The following MYO5C variants were observed in gnomAD, a reference collection of about 807,000 sequenced individuals.
MYO5C encodes unconventional myosin-Vc.
In MYO5C, 194 loss-of-function variants were observed where a neutral mutation model predicts 235.7. That is an observed-to-expected ratio of 0.82 (90% CI 0.73 to 0.93). The LOEUF is 0.93. MYO5C is among the 40% of genes least tolerant of loss of function. The pLI is 0.00. For missense variants in MYO5C, 2,038 were observed against 2,127.2 expected (o/e 0.96, Z 0.82); for synonymous variants, 707 against 754.8 (o/e 0.94, Z 1.04).
chr15:52,278,991 A>T lies in MYO5C; in HGVS notation c.331T>A (p.Tyr111Asn), dbSNP rs771557355. The T allele has an allele frequency of 2.5e-6, 4 of 1,613,646 alleles. No individual in the cohort carries two copies. The Admixed American group carries it at 6.7e-5, about 27-fold the overall frequency. ...TCTCCGTATATTGGCAACTGCTTGT[A>T]AGGATTCATGGCCACCAAAATGATT... is the stretch of plus-strand genomic sequence containing the variant. ...SGIILVAMNP[Y>N]KQLPIYGDAI... Residue 111 changes from tyrosine (Y) to asparagine (N), a missense_variant, in exon 4 of 41, where the codon TAC (tyrosine) becomes AAC (asparagine). Coordinates refer to ENST00000261839, the MANE Select transcript of MYO5C (RefSeq NM_018728.4).
At position 52,206,581 on chromosome 15, in the gene MYO5C, G is replaced by A. The variant is rs113551147; in HGVS notation, c.4387-615C>T. Among the ~76,000 whole-genome samples, 37 of 152,216 alleles carry A rather than the reference G, an allele frequency of 2.4e-4. 2 individuals carry two copies. Among genetic ancestry groups the A allele is most frequent in the African/African-American group, 8.2e-4 (34 of 41,530 alleles). On this transcript the variant is annotated intron_variant, in intron 36 of 40. Transcript: ENST00000261839. ...GCTTGCCCTCTCTCTCCCTCTTCCT[G>A]ACCCATGCACCCAGGAAAGGTCCTG...
intron 12 of MYO5C, among the ~76,000 whole-genome samples, chr15:52,251,851 G>A (rs996382249): frequency 6.6e-6 from 1 of 151,974 alleles, no homozygotes; most frequent in South Asian, 2.1e-4. Context: ...TTTTAGTAGA[G>A]ACGGGGTTTC....
chr15:52,205,216 G>A lies in MYO5C; in HGVS notation c.4538-69C>T. 4 of 1,540,764 alleles carry A rather than the reference G, an allele frequency of 2.6e-6. No individual in the cohort carries two copies. In the South Asian group the frequency reaches 3.6e-5, roughly 14 times the overall value. On this transcript the variant is annotated intron_variant, in intron 37 of 40. Coordinates refer to ENST00000261839, the MANE Select transcript of MYO5C (RefSeq NM_018728.4). ...ACGCGGAACGTTCCCGACGCTCTTC[G>A]GTTTGTTTCAGGAGATGGGACATTT...
At chr15:52,277,956 C>T (rs185282298) in intron 4 of MYO5C, 14 of 455,818 alleles carry the variant, frequency 3.1e-5, no homozygotes, top group Non-Finnish European at 4.9e-5. Context: ...TCAGGAGCTG[C>T]GGCTGGGGTT....
intron 38 of MYO5C, among the ~76,000 whole-genome samples, chr15:52,197,183 A>T (rs987793240): frequency 6.6e-6 from 1 of 152,230 alleles, no homozygotes; most frequent in Non-Finnish European, 1.5e-5. Context: ...AACTCTGTAC[A>T]CAAATGTTCA....
chr15:52,244,180 C>T (rs1316369778), intron 19 of MYO5C, among the ~76,000 whole-genome samples, 176 bp downstream of exon 19: 1 of 152,082 alleles, frequency 6.6e-6, no homozygotes, highest in African/African-American at 2.4e-5. Context: ...GCACTACCTG[C>T]CCCTGAGAGA....
At chr15:52,246,891 G>A (rs555248027) in intron 16 of MYO5C, 26 bp downstream of exon 16, 38 of 1,578,468 alleles carry the variant, frequency 2.4e-5, no homozygotes, top group Non-Finnish European at 3.2e-5. Context: ...CCACGTCTTC[G>A]CTGTGTGTTG....
intron 30 of MYO5C, 60 bp from the exon 31 acceptor site, chr15:52,219,882 G>T: frequency 2.2e-6 from 3 of 1,372,578 alleles, no homozygotes; most frequent in Non-Finnish European, 2.1e-6. Context: ...TTCTGATTTG[G>T]GTTTGGTATT....
rs1208396169 is a variant in MYO5C, at chr15:52,213,185, T to C, written c.4141+3A>G. On this transcript the variant is annotated splice_donor_region_variant and intron_variant, in intron 34 of 40. Transcript: ENST00000261839. ...AAAAATCCAGAGTTCCAGGTTTCAC[T>C]ACCAAGAATGAGGTTCTGAATGAGC... 1 of 1,612,390 alleles carries C rather than the reference T, an allele frequency of 6.2e-7. No homozygotes were observed. The highest frequency in any genetic ancestry group is 2.2e-5 in the East Asian group (1 of 44,878).
chr15:52,260,251 A>G (rs1276798541), intron 10 of MYO5C, among the ~76,000 whole-genome samples: 2 of 152,224 alleles, frequency 1.3e-5, no homozygotes, highest in South Asian at 2.1e-4. Context: ...CTCCTGGAGG[A>G]GGGCTGGGGA....
Position 52,223,663 on chromosome 15 carries a change from T to C in MYO5C, c.3508A>G (p.Asn1170Asp), listed in dbSNP as rs1046783557. The C allele has an allele frequency of 1.2e-6, 2 of 1,614,064 alleles. No homozygotes were observed. Among genetic ancestry groups the C allele is most frequent in the African/African-American group, 2.7e-5 (2 of 74,932 alleles). ...TGACTGAGATGCACCACTTTGAAGT[T>C]CAAAGCTTCAATCTCCTTTTCATAG... is the stretch of plus-strand genomic sequence containing the variant. ...DCYEKEIEAL[N>D]FKVVHLSQEI... The change falls in exon 29 of 41, where the codon AAC becomes GAC. Residue 1170 changes from asparagine (N) to aspartate (D), a missense_variant. By Grantham distance (23) the Asn-to-Asp change is conservative. Coordinates refer to ENST00000261839, the MANE Select transcript of MYO5C (RefSeq NM_018728.4).
At chr15:52,228,282 T>C (rs2035873846) in intron 25 of MYO5C, among the ~76,000 whole-genome samples, 1 of 152,110 alleles carries the variant, frequency 6.6e-6, no homozygotes, top group African/African-American at 2.4e-5. Flanking sequence ...TAGCTGGGAT[T>C]ACAGGCACCT....
chr15:52,288,390 T>C (rs1042019237), intron 1 of MYO5C, among the ~76,000 whole-genome samples: 1 of 152,164 alleles, frequency 6.6e-6, no homozygotes, highest in Non-Finnish European at 1.5e-5. Context: ...CAGGCAGTAT[T>C]AGGACATACG....
In MYO5C at chr15:52,261,101, G is replaced by C. The variant is rs549810027; in HGVS notation, c.1074C>G (p.Phe358Leu). The C allele has an allele frequency of 1.2e-6, 2 of 1,614,158 alleles. No homozygotes were observed. Among genetic ancestry groups the C allele is most frequent in the East Asian group, 4.5e-5 (2 of 44,882 alleles). Reference protein sequence around the residue: ...VSEDDSHLKVFCELLGLESGR... With the variant: ...VSEDDSHLKVLCELLGLESGR... ...CACTCTCCAGGCCCAGGAGCTCACA[G>C]AACACCTTCAGGTGACTGTCATCCT... is the stretch of plus-strand genomic sequence containing the variant. Residue 358 changes from phenylalanine to leucine, a missense_variant, in exon 10 of 41, where the codon TTC becomes TTG. Coordinates refer to ENST00000261839, the MANE Select transcript of MYO5C (RefSeq NM_018728.4).
intron 21 of MYO5C, among the ~76,000 whole-genome samples, chr15:52,238,548 C>A (rs1016200212): frequency 6.6e-6 from 1 of 152,202 alleles, no homozygotes; most frequent in Non-Finnish European, 1.5e-5. Context: ...TGGAGACAGG[C>A]CTGGGAGTGA....
At chr15:52,214,309 A>G (rs921326740) in intron 33 of MYO5C, among the ~76,000 whole-genome samples, 1 of 152,242 alleles carries the variant, frequency 6.6e-6, no homozygotes, top group African/African-American at 2.4e-5. Context: ...GTAAATTGAA[A>G]AATTGTTCAC....
At chr15:52,240,117 A>C (rs898651859) in intron 20 of MYO5C, among the ~76,000 whole-genome samples, 1 of 152,244 alleles carries the variant, frequency 6.6e-6, no homozygotes, top group East Asian at 1.9e-4. Flanking sequence ...CTTTATGCAG[A>C]AAAACAGTCT....
rs1243882367 is a variant in MYO5C at position 52,229,266 on chromosome 15, T to G, written c.3074A>C (p.Gln1025Pro). ...FELKTQDYEK[Q>P]IQSLKEEIKA... is the part of the protein sequence containing the mutation. Reference sequence around the variant, plus strand: ...AATTTCTTCTTTCAAAGACTGAATCTGCTTCTCATAGTCTTGTGTTTTCAG... The same window carrying G: ...AATTTCTTCTTTCAAAGACTGAATCGGCTTCTCATAGTCTTGTGTTTTCAG... Residue 1025 changes from glutamine (Q) to proline (P), a missense_variant, in exon 25 of 41, where the codon CAG becomes CCG. Transcript: ENST00000261839. 2 of 1,614,118 alleles carry G rather than the reference T, an allele frequency of 1.2e-6. No homozygotes were observed. The highest frequency in any genetic ancestry group is 1.7e-6 in the Non-Finnish European group (2 of 1,180,048).
intron 38 of MYO5C, among the ~76,000 whole-genome samples, chr15:52,201,143 G>A (rs1016281857): frequency 6.6e-6 from 1 of 152,134 alleles, no homozygotes; most frequent in African/African-American, 2.4e-5. Context: ...AACAGTGGCT[G>A]AAAATGTACC....
Sources: gnomAD v4.1 joint callset for allele counts (sites outside exome capture counted in the v4.1 genomes callset) on GRCh38, gnomAD v4.1.1 for gene constraint, MANE v1.5 for transcripts, NCBI Gene and HGNC (gene_info 2026-07-23, HGNC 2026-07-21) for gene names.